SLC9B2: variants seen among roughly 807,000 people sequenced by gnomAD.
The protein encoded by SLC9B2 is sodium/hydrogen exchanger 9B2.
In SLC9B2, 39 loss-of-function variants were observed where a neutral mutation model predicts 52.2. The ratio of observed to expected loss-of-function variants is 0.75; its 90% CI spans 0.58 to 0.98. The LOEUF is 0.98. Among genes scored for constraint, SLC9B2 ranks in the 50% least tolerant of loss-of-function variants. The pLI, the probability that SLC9B2 is intolerant of heterozygous loss-of-function variation, is 0.00. For missense variants in SLC9B2, 626 were observed against 637.5 expected, an observed-to-expected ratio of 0.98 and a Z score of 0.19; for synonymous variants, 214 against 227.0, an observed-to-expected ratio of 0.94 and a Z score of 0.51.
At chr4:103,020,816 A>C (rs545634788), downstream of SLC9B2, among the ~76,000 whole-genome samples, 2 of 152,142 alleles carry the variant, frequency 1.3e-5, no homozygotes, top group Admixed American at 6.5e-5. Flanking sequence ...TTTTTAGTAG[A>C]GAGGAGTTTC....
chr4:103,020,631 C>A (rs1051035615), downstream of SLC9B2, among the ~76,000 whole-genome samples: 1 of 152,056 alleles, frequency 6.6e-6, no homozygotes, highest in African/African-American at 2.4e-5. Context: ...ACGAAATTAT[C>A]TTTTTATTGG....
chr4:103,039,928 G>A (rs1209145915), intron 9 of SLC9B2, among the ~76,000 whole-genome samples: 2 of 152,048 alleles, frequency 1.3e-5, no homozygotes, highest in Non-Finnish European at 2.9e-5. Context: ...TTACAGGTGT[G>A]AGCCACCGCA....
intron 6 of SLC9B2, 95 bp downstream of exon 6, chr4:103,048,798 T>TATAAGAAA: frequency 7.0e-7 from 1 of 1,420,128 alleles, no homozygotes; most frequent in East Asian, 2.4e-5. Flanking sequence ...TTCTGATATC[T>TATAAGAAA]ATAAGAAAAT....
intron 7 of SLC9B2, among the ~76,000 whole-genome samples, chr4:103,046,739 C>CCACACATCTTTTGTGTGAAGTCTT (rs1744167559): frequency 6.7e-6 from 1 of 148,460 alleles, no homozygotes; most frequent in African/African-American, 2.5e-5. Context: ...TGTGAAGTCT[C>CCACACATCTTTTGTGTGAAGTCTT]CACACATCTT....
At chr4:103,028,904 T>C in intron 10 of SLC9B2, 21 bp from the exon 11 acceptor site, 1 of 1,511,160 alleles carries the variant, frequency 6.6e-7, no homozygotes, top group Non-Finnish European at 8.8e-7. Context: ...TATTCAATTT[T>C]TAGAAATAAT....
intron 4 of SLC9B2, among the ~76,000 whole-genome samples, chr4:103,057,053 T>G (rs969464922): frequency 2.0e-5 from 3 of 152,072 alleles, no homozygotes; most frequent in Non-Finnish European, 2.9e-5. Context: ...TTACAGATAC[T>G]TCTACCATGG....
chr4:103,072,056 G>GTTTTT lies in SLC9B2; in HGVS notation c.-43+4123_-43+4127dup, dbSNP rs779979130. 4.7e-4 allele frequency among the ~76,000 whole-genome samples: 45 copies of GTTTTT among 95,298 alleles called. 5 individuals carry two copies. Among genetic ancestry groups the GTTTTT allele is most frequent in the African/African-American group, 1.6e-3 (35 of 21,790 alleles). 62.5% of individuals were successfully genotyped at this position (95,298 alleles called of 152,430 possible). On this transcript the variant is annotated intron_variant, in intron 1 of 11. Coordinates refer to ENST00000394785, the MANE Select transcript of SLC9B2 (RefSeq NM_178833.7). Reference sequence around the variant, plus strand: ...CAAAATTTTCAAGTTTGGCTTTCATGTTTTTTTTTTTTTTTTTTTTGAGGT... The same window carrying GTTTTT: ...CAAAATTTTCAAGTTTGGCTTTCATGTTTTTTTTTTTTTTTTTTTTTTTTTGAGGT...
chr4:103,045,117 CT>C lies in SLC9B2; in HGVS notation c.890-122del. 3 of 653,530 alleles carry C rather than the reference CT, an allele frequency of 4.6e-6. No individual in the cohort carries two copies. In the East Asian group the frequency reaches 8.4e-5, roughly 18 times the overall value. The allele number at this position is 653,530 out of a possible 1,614,324, so 40.5% of individuals were successfully genotyped here. A position where few individuals can be genotyped will look rare whatever the true frequency, so the allele number is the denominator to read the frequency against. On this transcript the variant is annotated intron_variant, in intron 7 of 11. Coordinates refer to ENST00000394785, the MANE Select transcript of SLC9B2 (RefSeq NM_178833.7). ...AGAAACATTTTAAAGACAGTTTCTG[CT>C]TTCCATATTCTTAAATATGTAAGTG...
chr4:103,064,699 T>C (rs926769527), intron 3 of SLC9B2, among the ~76,000 whole-genome samples: 1 of 152,168 alleles, frequency 6.6e-6, no homozygotes, highest in African/African-American at 2.4e-5. Flanking sequence ...ATTAGCTAGA[T>C]TTGATCATTA....
chr4:103,072,673 A>G (rs549761620), intron 1 of SLC9B2, among the ~76,000 whole-genome samples: 2 of 152,356 alleles, frequency 1.3e-5, no homozygotes, highest in East Asian at 3.9e-4. Context: ...AAATAGACTT[A>G]CTGCTATCAT....
chr4:103,068,412 G>C (rs1349958825), intron 1 of SLC9B2, among the ~76,000 whole-genome samples: 1 of 152,152 alleles, frequency 6.6e-6, no homozygotes, highest in Non-Finnish European at 1.5e-5. Flanking sequence ...GAGTTTTGGG[G>C]GAGGCCTTTA....
intron 3 of SLC9B2, among the ~76,000 whole-genome samples, chr4:103,062,124 G>T (rs952432357): frequency 1.3e-5 from 2 of 152,220 alleles, no homozygotes; most frequent in African/African-American, 4.8e-5. Flanking sequence ...GTAGAATTAA[G>T]TGTTTTCTCT....
At chr4:103,047,743 C>G (rs1015331940) in intron 6 of SLC9B2, among the ~76,000 whole-genome samples, 1 of 151,996 alleles carries the variant, frequency 6.6e-6, no homozygotes, top group Admixed American at 6.6e-5. Context: ...TTTATGGCTG[C>G]GTAGTATTCC....
At chr4:103,056,028 T>C (rs1209974786) in intron 4 of SLC9B2, among the ~76,000 whole-genome samples, 1 of 151,952 alleles carries the variant, frequency 6.6e-6, no homozygotes, top group Admixed American at 6.6e-5. Context: ...ATGGTCTCAA[T>C]CTCCTGACCT....
At chr4:103,032,994 T>G (rs1408779089) in intron 9 of SLC9B2, among the ~76,000 whole-genome samples, 5 of 152,198 alleles carry the variant, frequency 3.3e-5, no homozygotes, top group African/African-American at 1.2e-4. Context: ...AGCCAATACC[T>G]TGTTACTGGA....
intron 9 of SLC9B2, among the ~76,000 whole-genome samples, chr4:103,032,254 C>T (rs1024607559): frequency 2.0e-5 from 3 of 152,188 alleles, no homozygotes; most frequent in Admixed American, 2.0e-4. Flanking sequence ...TAGTGATCTA[C>T]AGTATAGAAG....
intron 6 of SLC9B2, 32 bp downstream of exon 6, chr4:103,048,861 A>G (rs1578460025): frequency 6.2e-7 from 1 of 1,610,270 alleles, no homozygotes; most frequent in African/African-American, 1.3e-5. Context: ...ATGTCCCTAC[A>G]TATTTTCATA....
intron 9 of SLC9B2, among the ~76,000 whole-genome samples, chr4:103,033,915 C>T (rs1742922880): frequency 6.6e-6 from 1 of 152,070 alleles, no homozygotes; most frequent in Non-Finnish European, 1.5e-5. Flanking sequence ...ATATTCCTAT[C>T]AAACTACCAA....
At chr4:103,036,788 T>C (rs1374246660) in intron 9 of SLC9B2, among the ~76,000 whole-genome samples, 1 of 152,052 alleles carries the variant, frequency 6.6e-6, no homozygotes, top group Non-Finnish European at 1.5e-5. Flanking sequence ...GGAGGGCAAT[T>C]GAGCAGTACC....
Sources: allele counts gnomAD v4.1 joint callset (sites outside exome capture counted in the v4.1 genomes callset), GRCh38; gene constraint gnomAD v4.1.1; transcripts MANE v1.5; gene names NCBI Gene and HGNC (gene_info 2026-07-23, HGNC 2026-07-21).